Variants in CDH13 observed in about 807,000 individuals in gnomAD.
CDH13 encodes the protein cadherin-13.
CDH13 carries 24 observed loss-of-function variants against 63.8 expected under a neutral mutation model. The ratio of observed to expected loss-of-function variants is 0.38; its 90% CI spans 0.27 to 0.53. The LOEUF (loss-of-function observed/expected upper bound fraction) is 0.53. Among genes scored for constraint, CDH13 ranks in the 20% least tolerant of loss-of-function variants. The pLI is 0.85. For synonymous variants in CDH13, 503 were observed against 355.3 expected, an observed-to-expected ratio of 1.42 and a Z score of -4.67; for missense variants, 1,049 against 903.1, an observed-to-expected ratio of 1.16 and a Z score of -2.07.
chr16:83,221,718 C>T (rs1173275996), intron 5 of CDH13, among the ~76,000 whole-genome samples: 1 of 151,942 alleles, frequency 6.6e-6, no homozygotes, highest in East Asian at 1.9e-4. Flanking sequence ...GAAGCATGGC[C>T]AAGACCATGG....
intron 1 of CDH13, among the ~76,000 whole-genome samples, chr16:82,740,226 C>T (rs1054284157): frequency 6.6e-6 from 1 of 152,170 alleles, no homozygotes; most frequent in Non-Finnish European, 1.5e-5. Context: ...CCAACAGAAT[C>T]AATAGTTGAT....
chr16:82,854,658 C>A (rs568310225), intron 1 of CDH13, among the ~76,000 whole-genome samples: 1 of 152,082 alleles, frequency 6.6e-6, no homozygotes, highest in African/African-American at 2.4e-5. Context: ...GCAGATAATT[C>A]GTAATCATCT....
chr16:83,673,974 C>T (rs1236388531), intron 9 of CDH13, among the ~76,000 whole-genome samples: 3 of 152,196 alleles, frequency 2.0e-5, no homozygotes, highest in African/African-American at 2.4e-5. Flanking sequence ...GACTCTCCCT[C>T]ACCCCACATT....
At chr16:83,492,788 G>C (rs1429234167) in intron 7 of CDH13, among the ~76,000 whole-genome samples, 2 of 152,154 alleles carry the variant, frequency 1.3e-5, no homozygotes, top group Admixed American at 6.5e-5. Flanking sequence ...TCTTTATCTT[G>C]TGGCCTCATT....
intron 5 of CDH13, among the ~76,000 whole-genome samples, chr16:83,270,724 T>C (rs2060744712): frequency 6.6e-6 from 1 of 152,198 alleles, no homozygotes; most frequent in Admixed American, 6.5e-5. Context: ...TGTCATCTTC[T>C]ATCCTCCCAG....
intron 1 of CDH13, among the ~76,000 whole-genome samples, chr16:82,700,650 C>T (rs73601098): frequency 2.0e-5 from 3 of 151,902 alleles, no homozygotes; most frequent in Non-Finnish European, 4.4e-5. Flanking sequence ...CAGTCCTGTC[C>T]TAGAATTTCA....
intron 5 of CDH13, among the ~76,000 whole-genome samples, chr16:83,296,782 C>A (rs1195813672): frequency 6.6e-6 from 1 of 152,120 alleles, no homozygotes; most frequent in Non-Finnish European, 1.5e-5. Flanking sequence ...AGTACAACAG[C>A]AGATTGCATG....
At chr16:83,719,111 T>C (rs72797294) in intron 10 of CDH13, among the ~76,000 whole-genome samples, 1 of 152,106 alleles carries the variant, frequency 6.6e-6, no homozygotes, top group Non-Finnish European at 1.5e-5. Flanking sequence ...AGCCCATTCA[T>C]CTCTTGGGGG....
At chr16:83,761,691 C>A (rs1351656965) in intron 11 of CDH13, among the ~76,000 whole-genome samples, 1 of 152,116 alleles carries the variant, frequency 6.6e-6, no homozygotes, top group Admixed American at 6.5e-5. Flanking sequence ...TCACTATGTA[C>A]AGGGAAACCT....
chr16:83,460,188 G>A (rs752912240), intron 6 of CDH13, among the ~76,000 whole-genome samples: 15 of 152,180 alleles, frequency 9.9e-5, no homozygotes, highest in Non-Finnish European at 1.6e-4. Context: ...GTAACAATTA[G>A]ATGTATTTAT....
At chr16:83,648,260 A>G (rs952847045) in intron 8 of CDH13, among the ~76,000 whole-genome samples, 5 of 152,326 alleles carry the variant, frequency 3.3e-5, no homozygotes, top group African/African-American at 1.2e-4. Flanking sequence ...TTTACATGCA[A>G]GAACAAGCCA....
intron 2 of CDH13, among the ~76,000 whole-genome samples, chr16:82,872,222 G>T (rs1337276371): frequency 6.6e-6 from 1 of 152,156 alleles, no homozygotes; most frequent in Non-Finnish European, 1.5e-5. Flanking sequence ...ATGTTTTTTA[G>T]GTGGCAGGGG....
chr16:83,414,394 A>G (rs1401737446), intron 6 of CDH13, among the ~76,000 whole-genome samples: 2 of 152,174 alleles, frequency 1.3e-5, no homozygotes, highest in African/African-American at 2.4e-5. Flanking sequence ...AGAGGAAACA[A>G]ATATATATGT....
intron 5 of CDH13, among the ~76,000 whole-genome samples, chr16:83,223,163 G>A (rs7185229): frequency 0.22 from 33,777 of 152,150 alleles, 4,382 homozygotes; most frequent in African/African-American, 0.36. Context: ...GAAGAGAATC[G>A]TATTGGCTGT....
chr16:83,266,520 G>A (rs528097747), intron 5 of CDH13, among the ~76,000 whole-genome samples: 1 of 152,000 alleles, frequency 6.6e-6, no homozygotes, highest in Admixed American at 6.5e-5. Context: ...TCCTCAGAAA[G>A]TCTTATCAGG....
chr16:83,426,954 G>A lies in CDH13; in HGVS notation c.782-59523G>A, dbSNP rs1453377483. Among the ~76,000 whole-genome samples, 8 of 109,466 alleles carry A rather than the reference G, an allele frequency of 7.3e-5. 1 individual carries two copies. Among genetic ancestry groups the A allele is most frequent in the African/African-American group, 1.9e-4 (5 of 26,936 alleles). 71.8% of individuals were successfully genotyped at this position (109,466 alleles called of 152,430 possible). A position where few individuals can be genotyped will look rare whatever the true frequency, so the allele number is the denominator to read the frequency against. On this transcript the variant is annotated intron_variant, in intron 6 of 13. Coordinates refer to ENST00000567109, the MANE Select transcript of CDH13 (RefSeq NM_001257.5). ...TTTTTTTTTTTGAAGACGGAGTCTCGCTTGCTCTGTCGCCCAGGCTAGAGT... is the reference window on the plus strand; with the variant it reads ...TTTTTTTTTTTGAAGACGGAGTCTCACTTGCTCTGTCGCCCAGGCTAGAGT...
intron 13 of CDH13, among the ~76,000 whole-genome samples, chr16:83,791,715 G>C (rs190332619): frequency 7.7e-4 from 117 of 151,446 alleles, no homozygotes; most frequent in African/African-American, 2.7e-3. Flanking sequence ...GGAGGCTGAG[G>C]CAGGAGAATC....
chr16:82,877,480 A>C (rs1266786555), intron 2 of CDH13, among the ~76,000 whole-genome samples: 2 of 152,148 alleles, frequency 1.3e-5, no homozygotes, highest in Non-Finnish European at 2.9e-5. Flanking sequence ...AGGTGGTCTG[A>C]ATTCTCAGGA....
At position 83,061,333 on chromosome 16, in the gene CDH13, C is replaced by T. The variant is rs1390440047; in HGVS notation, c.366+29115C>T. Among the ~76,000 whole-genome samples the T allele has an allele frequency of 2.0e-5, 3 of 151,830 alleles. No individual in the cohort carries two copies. In the East Asian group the frequency reaches 5.8e-4, roughly 29 times the overall value. ...CATCAGGGTTGCAAAGGGGCTTTGT[C>T]CGGATGAGTGGATTTTTTGTGTCCC... On this transcript the variant is annotated intron_variant, in intron 3 of 13. Transcript: ENST00000567109.
Sources: allele counts gnomAD v4.1 joint callset (sites outside exome capture counted in the v4.1 genomes callset), GRCh38; gene constraint gnomAD v4.1.1; transcripts MANE v1.5; gene names NCBI Gene and HGNC (gene_info 2026-07-23, HGNC 2026-07-21).